Variants in SLC35E1 observed in about 807,000 individuals in gnomAD.
SLC35E1 encodes the protein solute carrier family 35, member E1.
Under a neutral mutation model 31.0 loss-of-function variants are expected in SLC35E1, and 12 were observed. That is an observed-to-expected ratio of 0.39 (90% CI 0.25 to 0.63). The LOEUF is 0.63. Among genes scored for constraint, SLC35E1 ranks in the 20% least tolerant of loss-of-function variants. SLC35E1 has a pLI of 0.52. For synonymous variants in SLC35E1, 257 were observed against 264.1 expected (o/e 0.97, Z 0.26); for missense variants, 429 against 572.2 (o/e 0.75, Z 2.55).
chr19:16,571,995 C>G lies in SLC35E1; in HGVS notation c.370G>C (p.Val124Leu). The G allele has an allele frequency of 6.5e-7, 1 of 1,546,962 alleles. No homozygotes were observed. The highest frequency in any genetic ancestry group is 8.7e-7 in the Non-Finnish European group (1 of 1,145,536). ...PLAFGKYFASVSAHVSIWKVP... is the reference protein window; with the variant it reads ...PLAFGKYFASLSAHVSIWKVP... ...TTCCAGATGCTGACGTGCGCTGACA[C>G]GGACGCGAAGTACTTGCCGAAGGCG... Residue 124 changes from valine to leucine, a missense_variant, in exon 1 of 6, where the codon GTG (valine) becomes CTG (leucine). Coordinates refer to ENST00000595753, the MANE Select transcript of SLC35E1 (RefSeq NM_024881.5).
At position 16,555,123 on chromosome 19, in the gene SLC35E1, C is replaced by T; in HGVS notation, c.1002+29G>A. On this transcript the variant is annotated intron_variant, in intron 5 of 5. Coordinates refer to ENST00000595753, the MANE Select transcript of SLC35E1 (RefSeq NM_024881.5). The surrounding 1 kb of genome is among the most constrained non-coding windows in gnomAD (Gnocchi z 4.1). The stretch of plus-strand genomic sequence containing the variant: ...TCCTGGGTGTTGGGGGGCCGGCTTC[C>T]TTCCCTGCCCAGCCTCTCAGACTCT... The T allele has an allele frequency of 1.2e-6, 2 of 1,612,270 alleles. No individual in the cohort carries two copies. The highest frequency in any genetic ancestry group is 1.7e-6 in the Non-Finnish European group (2 of 1,178,772).
At chr19:16,559,500 A>ACACACACACACACACC in intron 4 of SLC35E1, among the ~76,000 whole-genome samples, 1 of 148,202 alleles carries the variant, frequency 6.7e-6, no homozygotes. Flanking sequence ...ACACACACAC[A>ACACACACACACACACC]GAGTTAACCA....
Position 16,555,566 on chromosome 19 carries a change from G to A in SLC35E1, c.757-169C>T, listed in dbSNP as rs1370273547. On this transcript the variant is annotated intron_variant, in intron 4 of 5. Transcript: ENST00000595753. This position sits in a 1 kb window ranked among gnomAD's most constrained non-coding sequence, Gnocchi z 4.1. ...TCACCAAGAGACACTAGGTGCTTTA[G>A]GTCCATGACCTCAGAACCTCATGAC... is the stretch of plus-strand genomic sequence containing the variant. 2 of 839,834 alleles carry A rather than the reference G, an allele frequency of 2.4e-6. No homozygotes were observed. Among genetic ancestry groups the A allele is most frequent in the Non-Finnish European group, 1.8e-6 (1 of 556,494 alleles). 52.0% of individuals were successfully genotyped at this position (839,834 alleles called of 1,614,324 possible).
In SLC35E1 at chr19:16,571,987, C is replaced by A; in HGVS notation, c.378G>T (p.Ala126=). The A allele has an allele frequency of 1.3e-6, 2 of 1,547,200 alleles. No homozygotes were observed. The highest frequency in any genetic ancestry group is 1.7e-6 in the Non-Finnish European group (2 of 1,145,606). Residue 126 remains alanine (A), a synonymous_variant, in exon 1 of 6, where the codon GCG becomes GCT. Coordinates refer to ENST00000595753, the MANE Select transcript of SLC35E1 (RefSeq NM_024881.5). Reference sequence around the variant, plus strand: ...CGGGCACCTTCCAGATGCTGACGTGCGCTGACACGGACGCGAAGTACTTGC... The same window carrying A: ...CGGGCACCTTCCAGATGCTGACGTGAGCTGACACGGACGCGAAGTACTTGC... The part of the protein sequence containing the change: ...AFGKYFASVS[A]HVSIWKVPVS...
chr19:16,560,648 G>A lies in SLC35E1; in HGVS notation c.757-5251C>T, dbSNP rs1247846781. ...AGGCTGAGGCAGGGAGATGATCTGA[G>A]GTCAGGAGTTCGAGACCAGCCTGGC... On this transcript the variant is annotated intron_variant, in intron 4 of 5. Transcript: ENST00000595753. 3.3e-5 allele frequency among the ~76,000 whole-genome samples: 5 copies of A among 152,090 alleles called. No homozygotes were observed. The East Asian group carries it at 9.6e-4, about 29-fold the overall frequency.
intron 4 of SLC35E1, chr19:16,556,896 G>A (rs1467743190): frequency 8.5e-6 from 4 of 471,564 alleles, no homozygotes; most frequent in Admixed American, 2.3e-5. Flanking sequence ...ACTCAAGACT[G>A]GAACTCCCAA....
intron 5 of SLC35E1, among the ~76,000 whole-genome samples, 156 bp downstream of exon 5, chr19:16,554,994 CCA>C (rs1384935022): frequency 6.6e-5 from 10 of 152,080 alleles, no homozygotes; most frequent in African/African-American, 1.7e-4. Context: ...AAAAAGGAAG[CCA>C]GAGTGGGATG....
At chr19:16,567,067 C>T (rs1468007685) in intron 3 of SLC35E1, among the ~76,000 whole-genome samples, 1 of 152,232 alleles carries the variant, frequency 6.6e-6, no homozygotes, top group Non-Finnish European at 1.5e-5. Flanking sequence ...AGGAAAACAT[C>T]ACACACGTGA....
chr19:16,565,233 G>A (rs956108507), intron 4 of SLC35E1: 17 of 413,180 alleles, frequency 4.1e-5, no homozygotes, highest in East Asian at 7.1e-5. Context: ...TTTTTGAGAC[G>A]GAGCTTCACA....
Position 16,568,271 on chromosome 19 carries a change from G to A in SLC35E1, c.493-102C>T, listed in dbSNP as rs775045938. 74 of 1,411,114 alleles carry A rather than the reference G, an allele frequency of 5.2e-5. No individual in the cohort carries two copies. In the Admixed American group the frequency reaches 1.1e-3, roughly 21 times the overall value. The allele number at this position is 1,411,114 out of a possible 1,614,324, so 87.4% of individuals were successfully genotyped here. ...AGCCCCTCTCCTCCCTCAGCAAAGGGATACCACCTAACACTTTGAAAGTGG... is the reference window on the plus strand; with the variant it reads ...AGCCCCTCTCCTCCCTCAGCAAAGGAATACCACCTAACACTTTGAAAGTGG... On this transcript the variant is annotated intron_variant, in intron 2 of 5. Transcript: ENST00000595753.
chr19:16,563,943 C>T (rs1165442535), intron 4 of SLC35E1, among the ~76,000 whole-genome samples: 3 of 152,162 alleles, frequency 2.0e-5, no homozygotes, highest in East Asian at 1.9e-4. Context: ...AGCATACCAG[C>T]GACGAGATCT....
At chr19:16,557,093 G>T in intron 4 of SLC35E1, 1 of 398,940 alleles carries the variant, frequency 2.5e-6, no homozygotes, top group South Asian at 1.8e-5. Context: ...TGCTTGCATA[G>T]ATATCTATCT....
At chr19:16,561,627 A>G (rs754942406) in intron 4 of SLC35E1, among the ~76,000 whole-genome samples, 6 of 152,212 alleles carry the variant, frequency 3.9e-5, no homozygotes, top group Non-Finnish European at 8.8e-5. Flanking sequence ...GTCTCTGGGA[A>G]CTGCCCACTG....
At chr19:16,561,655 T>G (rs2122336126) in intron 4 of SLC35E1, among the ~76,000 whole-genome samples, 1 of 152,314 alleles carries the variant, frequency 6.6e-6, no homozygotes, top group East Asian at 1.9e-4. Context: ...TGATTCTTGG[T>G]AGACTGGAGA....
At chr19:16,556,434 A>C (rs1208624882) in intron 4 of SLC35E1, among the ~76,000 whole-genome samples, 1 of 151,990 alleles carries the variant, frequency 6.6e-6, no homozygotes, top group Non-Finnish European at 1.5e-5. Flanking sequence ...GCTTGAGCCT[A>C]GGAGTTCAAG....
chr19:16,557,345 C>T (rs548614686), intron 4 of SLC35E1, among the ~76,000 whole-genome samples: 58 of 152,220 alleles, frequency 3.8e-4, no homozygotes, highest in Non-Finnish European at 6.0e-4. Context: ...AGGCGCCCGC[C>T]ACCGCGCCCG....
intron 2 of SLC35E1, among the ~76,000 whole-genome samples, chr19:16,568,397 G>A (rs1010714879): frequency 2.6e-5 from 4 of 152,156 alleles, no homozygotes; most frequent in African/African-American, 4.8e-5. Context: ...TCCCCATACC[G>A]TCACCCCCAT....
chr19:16,571,759 C>G (rs1245942270), intron 1 of SLC35E1, among the ~76,000 whole-genome samples, 177 bp from the exon 2 acceptor site: 1 of 152,238 alleles, frequency 6.6e-6, no homozygotes, highest in East Asian at 1.9e-4. Context: ...CCTCTCAGCT[C>G]TCTTCTCAGC....
intron 4 of SLC35E1, among the ~76,000 whole-genome samples, chr19:16,558,662 TC>T (rs1354619315): frequency 1.3e-5 from 2 of 152,272 alleles, no homozygotes; most frequent in African/African-American, 4.8e-5. Flanking sequence ...TGTCTTCTGA[TC>T]TAATTTCTCT....
Sources: gnomAD v4.1 joint callset for allele counts (sites outside exome capture counted in the v4.1 genomes callset) on GRCh38, gnomAD v4.1.1 for gene constraint, Gnocchi (gnomAD v3.1) non-coding constraint, MANE v1.5 for transcripts, NCBI Gene and HGNC (gene_info 2026-07-23, HGNC 2026-07-21) for gene names.